The following BORA variants were observed in gnomAD, a reference collection of about 807,000 sequenced individuals.
The protein encoded by BORA is protein aurora borealis.
A neutral mutation model predicts 55.8 loss-of-function variants in BORA; 26 were observed. The ratio of observed to expected loss-of-function variants is 0.47; its 90% CI spans 0.34 to 0.65. The LOEUF is 0.65. BORA is among the 30% of genes least tolerant of loss of function. BORA has a pLI of 0.01. For synonymous variants in BORA, 201 were observed against 216.9 expected, an observed-to-expected ratio of 0.93 and a Z score of 0.64; for missense variants, 568 against 671.5, an observed-to-expected ratio of 0.85 and a Z score of 1.70.
intron 4 of BORA, among the ~76,000 whole-genome samples, chr13:72,735,533 T>A (rs889042816): frequency 2.0e-5 from 3 of 152,174 alleles, no homozygotes; most frequent in African/African-American, 7.2e-5. Flanking sequence ...TTCTAAAAAA[T>A]AAAAATAATT....
At chr13:72,736,693 T>G (rs1203889363) in intron 4 of BORA, among the ~76,000 whole-genome samples, 1 of 152,170 alleles carries the variant, frequency 6.6e-6, no homozygotes, top group Non-Finnish European at 1.5e-5. Context: ...ATGGACCTAG[T>G]AAGTCAGAGG....
rs1257464550 is a variant in BORA at position 72,746,520 on chromosome 13, T to C, written c.891T>C (p.Val297=). Residue 297 remains valine, a synonymous_variant, in exon 10 of 12, where the codon GTT becomes GTC. Coordinates refer to ENST00000390667, the MANE Select transcript of BORA (RefSeq NM_024808.5). The part of the protein sequence containing the change: ...TPLSEQRKFT[V]HSPDASSGTN... Reference sequence around the variant, plus strand: ...TTTCAGAACAAAGGAAGTTTACTGTTCATTCTCCTGATGCTTCATCTGGAA... The same window carrying C: ...TTTCAGAACAAAGGAAGTTTACTGTCCATTCTCCTGATGCTTCATCTGGAA... 5.0e-6 allele frequency: 8 copies of C among 1,612,194 alleles called. No individual in the cohort carries two copies. Among genetic ancestry groups the C allele is most frequent in the Admixed American group, 1.7e-5 (1 of 59,944 alleles).
intron 10 of BORA, among the ~76,000 whole-genome samples, chr13:72,751,712 T>C (rs1469145274): frequency 6.6e-6 from 1 of 152,182 alleles, no homozygotes; most frequent in Non-Finnish European, 1.5e-5. Context: ...TTATCGTATA[T>C]TTTCAAATAG....
At chr13:72,749,831 TG>T (rs764720835) in intron 10 of BORA, among the ~76,000 whole-genome samples, 39 of 152,278 alleles carry the variant, frequency 2.6e-4, no homozygotes, top group Non-Finnish European at 4.7e-4. Context: ...GACAACTTAT[TG>T]ATTACATCCT....
chr13:72,753,401 C>T (rs1366933478), intron 10 of BORA: 2 of 230,122 alleles, frequency 8.7e-6, no homozygotes, highest in South Asian at 1.1e-4. Flanking sequence ...CTACTAGGTA[C>T]GATCACAAAA....
In BORA at chr13:72,755,219, TG is replaced by T; in HGVS notation, c.*4del. 1 of 1,608,426 alleles carries T rather than the reference TG, an allele frequency of 6.2e-7. No homozygotes were observed. Among genetic ancestry groups the T allele is most frequent in the Non-Finnish European group, 8.5e-7 (1 of 1,175,118 alleles). Reference sequence around the variant, plus strand: ...CTTTTCAATGCAGCAGTCCATAGAATGCCTCTGTCAGAATCAAAGACTAAGC... The same window carrying T: ...CTTTTCAATGCAGCAGTCCATAGAATCCTCTGTCAGAATCAAAGACTAAGC... On this transcript the variant is annotated 3_prime_UTR_variant, in exon 12 of 12. Coordinates refer to ENST00000390667, the MANE Select transcript of BORA (RefSeq NM_024808.5).
chr13:72,729,900 C>G (rs556137688), intron 2 of BORA, among the ~76,000 whole-genome samples: 1 of 151,266 alleles, frequency 6.6e-6, no homozygotes, highest in Non-Finnish European at 1.5e-5. Context: ...GTACTTAGGA[C>G]AATAGTAATA....
chr13:72,748,281 G>A (rs542277099), intron 10 of BORA, among the ~76,000 whole-genome samples: 3 of 152,296 alleles, frequency 2.0e-5, no homozygotes, highest in Admixed American at 1.3e-4. Context: ...ACTAGTAAGT[G>A]GAAGAGCTGA....
chr13:72,754,013 CA>C lies in BORA; in HGVS notation c.1614+195del, dbSNP rs1203173957. On this transcript the variant is annotated intron_variant, in intron 11 of 11. Transcript: ENST00000390667. ...GAATACACAAGTATCTTACATACTA[CA>C]AAGTGTGCAAAGGTAGCGTGTATTT... The C allele has an allele frequency of 3.1e-5, 17 of 540,836 alleles. No homozygotes were observed. In the Admixed American group the frequency reaches 4.9e-4, roughly 16 times the overall value. 33.5% of individuals were successfully genotyped at this position (540,836 alleles called of 1,614,324 possible). A position where few individuals can be genotyped will look rare whatever the true frequency, so the allele number is the denominator to read the frequency against.
intron 1 of BORA, among the ~76,000 whole-genome samples, chr13:72,728,601 C>A (rs2032738985): frequency 6.6e-6 from 1 of 152,142 alleles, no homozygotes; most frequent in African/African-American, 2.4e-5. Context: ...AGATCTGGGC[C>A]TGTTGTAACC....
intron 2 of BORA, 79 bp downstream of exon 2, chr13:72,729,172 C>G: frequency 8.3e-7 from 1 of 1,207,008 alleles, no homozygotes; most frequent in Non-Finnish European, 1.1e-6. Flanking sequence ...AAACATCTGT[C>G]TTTACAAGGT....
At chr13:72,736,836 T>C (rs888520469) in intron 4 of BORA, among the ~76,000 whole-genome samples, 1 of 151,056 alleles carries the variant, frequency 6.6e-6, no homozygotes, top group East Asian at 2.0e-4. Context: ...ATCAGAATTC[T>C]TAATTTGTTC....
At chr13:72,741,531 G>A (rs912131860) in intron 5 of BORA, among the ~76,000 whole-genome samples, 1 of 151,800 alleles carries the variant, frequency 6.6e-6, no homozygotes, top group Non-Finnish European at 1.5e-5. Flanking sequence ...CATTTCAAAT[G>A]TTATCTCCCA....
intron 1 of BORA, 190 bp downstream of exon 1, chr13:72,728,197 C>G: frequency 1.3e-6 from 1 of 787,390 alleles, no homozygotes; most frequent in Non-Finnish European, 2.2e-6. Flanking sequence ...CGCACTCCAT[C>G]CAGGGAAGCC....
intron 3 of BORA, among the ~76,000 whole-genome samples, chr13:72,732,399 G>C (rs964975394): frequency 1.3e-5 from 2 of 152,196 alleles, no homozygotes; most frequent in Non-Finnish European, 1.5e-5. Context: ...TTGAGGCCAG[G>C]TGTGGTGGCT....
At position 72,746,565 on chromosome 13, in the gene BORA, T is replaced by C. The variant is rs752156472; in HGVS notation, c.936T>C (p.Thr312=). The C allele has an allele frequency of 4.3e-6, 7 of 1,613,916 alleles. No individual in the cohort carries two copies. Among genetic ancestry groups the C allele is most frequent in the Non-Finnish European group, 5.9e-6 (7 of 1,179,934 alleles). The change falls in exon 10 of 12, where the codon ACT becomes ACC. Residue 312 remains threonine, a synonymous_variant. Transcript: ENST00000390667. ...CTGGAACAAATTCTAATGGGATAAC[T>C]AATCCGTGTATCAGAAGTCCTTATA... ...ASSGTNSNGI[T]NPCIRSPYID...
intron 3 of BORA, 28 bp downstream of exon 3, chr13:72,731,415 C>G (rs2032813937): frequency 7.1e-7 from 1 of 1,417,222 alleles, no homozygotes; most frequent in African/African-American, 1.4e-5. Flanking sequence ...GCACCTAAGT[C>G]TAATAACACT....
chr13:72,737,851 C>A, intron 4 of BORA, 111 bp from the exon 5 acceptor site: 1 of 418,374 alleles, frequency 2.4e-6, no homozygotes, highest in Non-Finnish European at 4.1e-6. Context: ...TTTTTGCATA[C>A]AGTTATAAAG....
chr13:72,730,479 G>A (rs2032788093), intron 2 of BORA, among the ~76,000 whole-genome samples: 1 of 152,146 alleles, frequency 6.6e-6, no homozygotes. Flanking sequence ...TCAGTTGCAT[G>A]GTTGAGTACA....
Sources: allele counts gnomAD v4.1 joint callset (sites outside exome capture counted in the v4.1 genomes callset), GRCh38; gene constraint gnomAD v4.1.1; transcripts MANE v1.5; gene names NCBI Gene and HGNC (gene_info 2026-07-23, HGNC 2026-07-21).